KCNG2: variants seen among roughly 807,000 people sequenced by gnomAD.
KCNG2 encodes the protein voltage-gated potassium channel regulatory subunit KCNG2.
KCNG2 carries 7 observed loss-of-function variants against 12.3 expected under a neutral mutation model. That is an observed-to-expected ratio of 0.57 (90% CI 0.32 to 1.07). The LOEUF is 1.07. KCNG2 is among the 50% of genes least tolerant of loss of function. KCNG2 has a pLI of 0.04. For synonymous variants in KCNG2, 414 were observed against 351.4 expected (o/e 1.18, Z -1.99); for missense variants, 703 against 726.0 (o/e 0.97, Z 0.36).
chr18:79,889,477 CTTT>C lies in KCNG2; in HGVS notation c.625-9561_625-9559del, dbSNP rs758679175. ...TTATCAAAGTGTAAGTTTTTTTGTT[CTTT>C]TGTTTTAGTTATTCTGATGCATTTC... On this transcript the variant is annotated intron_variant, in intron 3 of 3. Transcript: ENST00000316249. Among the ~76,000 whole-genome samples, 1,305 of 151,802 alleles carry C rather than the reference CTTT, an allele frequency of 8.6e-3. 39 individuals carry two copies. Among genetic ancestry groups the C allele is most frequent in the Admixed American group, 0.062 (948 of 15,254 alleles).
At chr18:79,826,694 C>T (rs998376967) in intron 1 of KCNG2, among the ~76,000 whole-genome samples, 1 of 143,538 alleles carries the variant, frequency 7.0e-6, no homozygotes, top group Non-Finnish European at 1.5e-5. Context: ...CAGCTCCTCA[C>T]GGAAGGTTAG....
intron 3 of KCNG2, among the ~76,000 whole-genome samples, chr18:79,889,461 T>C (rs1673223790): frequency 7.2e-6 from 1 of 138,552 alleles, no homozygotes; most frequent in Non-Finnish European, 1.7e-5. Context: ...GTTATCAAAG[T>C]GTAAGTTTTT....
chr18:79,864,056 C>G lies in KCNG2; in HGVS notation c.389C>G (p.Ala130Gly). ...LRRLRRREEE[A>G]AEARAGPTER... is the part of the protein sequence containing the mutation. ...CGCCTGCGCCGCCGCGAGGAGGAGG[C>G]GGCCGAGGCCCGCGCGGGGCCGACG... is the stretch of plus-strand genomic sequence containing the variant. Residue 130 changes from alanine (A) to glycine (G), a missense_variant, in exon 3 of 4, where the codon GCG becomes GGG. Ala to Gly is a moderately conservative substitution (Grantham distance 60). Coordinates refer to ENST00000316249, the MANE Select transcript of KCNG2 (RefSeq NM_012283.2). The G allele has an allele frequency of 9.0e-7, 1 of 1,108,454 alleles. No homozygotes were observed. Among genetic ancestry groups the G allele is most frequent in the Middle Eastern group, 3.9e-4 (1 of 2,578 alleles). The allele number at this position is 1,108,454 out of a possible 1,614,324, so 68.7% of individuals were successfully genotyped here. A position where few individuals can be genotyped will look rare whatever the true frequency, so the allele number is the denominator to read the frequency against.
chr18:79,858,764 G>A (rs752683751), intron 2 of KCNG2, among the ~76,000 whole-genome samples: 3 of 151,798 alleles, frequency 2.0e-5, no homozygotes, highest in African/African-American at 4.8e-5. Flanking sequence ...TGACTATAAC[G>A]ACCCTAGTGG....
Position 79,834,916 on chromosome 18 carries a change from T to C in KCNG2, c.-114-21463T>C, listed in dbSNP as rs1248726685. ...CTGGGTGTGTTCACATCCAGTCCTCTGGCCAATGGAGTATTTCCCTCTTGT... is the reference window on the plus strand; with the variant it reads ...CTGGGTGTGTTCACATCCAGTCCTCCGGCCAATGGAGTATTTCCCTCTTGT... On this transcript the variant is annotated intron_variant, in intron 1 of 3. Transcript: ENST00000316249. Among the ~76,000 whole-genome samples, 50 of 152,232 alleles carry C rather than the reference T, an allele frequency of 3.3e-4. 1 individual carries two copies. The highest frequency in any genetic ancestry group is 3.3e-3 in the Admixed American group (50 of 15,284).
chr18:79,865,810 A>AT (rs1979489812), intron 3 of KCNG2, among the ~76,000 whole-genome samples: 1 of 108,428 alleles, frequency 9.2e-6, no homozygotes, highest in African/African-American at 3.5e-5. Flanking sequence ...CTGTGTGCTG[A>AT]GAGGTCTGGG....
At chr18:79,862,251 CTCCCCAGGAGTTTTTGTAGCTACTGTGG>C (rs893211820) in intron 2 of KCNG2, among the ~76,000 whole-genome samples, 6 of 152,224 alleles carry the variant, frequency 3.9e-5, no homozygotes, top group African/African-American at 1.4e-4. Context: ...ACTCTCCCCT[CTCCCCAGGAGTTTTTGTAGCTACTGTGG>C]TTTGTTGAGT....
intron 3 of KCNG2, among the ~76,000 whole-genome samples, chr18:79,867,155 ACC>A (rs1979623580): frequency 1.1e-4 from 6 of 54,664 alleles, no homozygotes; most frequent in Non-Finnish European, 2.0e-4. Context: ...AGGTCTGGGT[ACC>A]GAGGTCTGGG....
At position 79,854,530 on chromosome 18, in the gene KCNG2, C is replaced by CTTTTT. The variant is rs71163836; in HGVS notation, c.-114-1839_-114-1835dup. Among the ~76,000 whole-genome samples the CTTTTT allele has an allele frequency of 2.1e-4, 28 of 135,790 alleles. 2 individuals carry two copies. The highest frequency in any genetic ancestry group is 3.9e-3 in the Middle Eastern group (1 of 258). 89.1% of individuals were successfully genotyped at this position (135,790 alleles called of 152,430 possible). A position where few individuals can be genotyped will look rare whatever the true frequency, so the allele number is the denominator to read the frequency against. On this transcript the variant is annotated intron_variant, in intron 1 of 3. Transcript: ENST00000316249. ...GTCTTTATACATTGCCTTTCATTGG[C>CTTTTT]TTTTTTTTTTTTTTGAGACAGGGTC...
chr18:79,859,450 C>T (rs1294414147), intron 2 of KCNG2, among the ~76,000 whole-genome samples: 1 of 152,192 alleles, frequency 6.6e-6, no homozygotes, highest in Non-Finnish European at 1.5e-5. Context: ...GTGCAGAGAC[C>T]ACACGGAGAT....
intron 1 of KCNG2, among the ~76,000 whole-genome samples, chr18:79,850,845 G>C (rs1231882143): frequency 6.6e-6 from 1 of 152,172 alleles, no homozygotes; most frequent in Non-Finnish European, 1.5e-5. Flanking sequence ...GAACTCAAAC[G>C]CACGTTGCTT....
At chr18:79,861,463 GAGAC>G (rs1979220028) in intron 2 of KCNG2, among the ~76,000 whole-genome samples, 2 of 151,984 alleles carry the variant, frequency 1.3e-5, no homozygotes, top group South Asian at 4.1e-4. Context: ...ATTTTTAGTA[GAGAC>G]AGGTTTTTGC....
In KCNG2 at chr18:79,803,567, T is replaced by C. The variant is rs2087427275; in HGVS notation, c.-115+5553T>C. ...TGCTGGGGACCGACGAGGGGGCCTG[T>C]GATTCTGGGGGCTCCGATCGTGTTT... On this transcript the variant is annotated intron_variant, in intron 1 of 3. Transcript: ENST00000316249. This position sits in a 1 kb window ranked among gnomAD's most constrained non-coding sequence, Gnocchi z 4.5. 6.6e-6 allele frequency among the ~76,000 whole-genome samples: 1 copy of C among 152,188 alleles called. No individual in the cohort carries two copies. Among genetic ancestry groups the C allele is most frequent in the Admixed American group, 6.5e-5 (1 of 15,280 alleles).
chr18:79,805,127 C>T (rs924538317), intron 1 of KCNG2, among the ~76,000 whole-genome samples: 7 of 152,152 alleles, frequency 4.6e-5, no homozygotes, highest in Non-Finnish European at 1.0e-4. Flanking sequence ...CTGTCATGGA[C>T]GTATTTGTAG....
intron 1 of KCNG2, among the ~76,000 whole-genome samples, chr18:79,828,847 C>T (rs62648805): frequency 0.23 from 23,641 of 101,604 alleles, 2,741 homozygotes; most frequent in African/African-American, 0.33. Context: ...ATGATGTGTG[C>T]ATGTGTCTGT....
chr18:79,845,738 G>A (rs1007720832), intron 1 of KCNG2, among the ~76,000 whole-genome samples: 4 of 152,152 alleles, frequency 2.6e-5, no homozygotes, highest in Admixed American at 1.3e-4. Flanking sequence ...TTTTATACAC[G>A]TGTGTATTTA....
chr18:79,871,709 A>T (rs1979838601), intron 3 of KCNG2, among the ~76,000 whole-genome samples: 1 of 152,122 alleles, frequency 6.6e-6, no homozygotes, highest in Non-Finnish European at 1.5e-5. Context: ...GCCCCCTATG[A>T]CGCCTTGGCA....
intron 3 of KCNG2, among the ~76,000 whole-genome samples, chr18:79,892,108 C>T (rs1176389656): frequency 8.6e-5 from 11 of 127,242 alleles, no homozygotes; most frequent in Non-Finnish European, 1.6e-4. Context: ...GAGCAAGACT[C>T]CGTCTAAAAA....
At chr18:79,849,355 C>T (rs7236646) in intron 1 of KCNG2, among the ~76,000 whole-genome samples, 56,792 of 152,166 alleles carry the variant, frequency 0.37, 11,896 homozygotes, top group Non-Finnish European at 0.46. Context: ...CCTCCCAGCG[C>T]TGAGCTTCTG....
Sources: gnomAD v4.1 joint callset for allele counts (sites outside exome capture counted in the v4.1 genomes callset) on GRCh38, gnomAD v4.1.1 for gene constraint, Gnocchi (gnomAD v3.1) non-coding constraint, MANE v1.5 for transcripts, NCBI Gene and HGNC (gene_info 2026-07-23, HGNC 2026-07-21) for gene names.